Variants in PIK3C2B observed in about 807,000 individuals in gnomAD.
PIK3C2B encodes the protein phosphatidylinositol-4-phosphate 3-kinase catalytic subunit type 2 beta.
Under a neutral mutation model 184.3 loss-of-function variants are expected in PIK3C2B, and 83 were observed. That is an observed-to-expected ratio of 0.45 (90% CI 0.38 to 0.54). The LOEUF (loss-of-function observed/expected upper bound fraction) is 0.54, where lower values mean the gene tolerates loss of function less well. PIK3C2B is among the 20% of genes least tolerant of loss of function. The probability of loss-of-function intolerance (pLI) is 0.00; values close to 1 mark genes in which losing one functional copy is unlikely to be tolerated. For synonymous variants in PIK3C2B, 779 were observed against 837.6 expected (o/e 0.93, Z 1.21); for missense variants, 1,736 against 2,113.5 (o/e 0.82, Z 3.50).
chr1:204,460,458 A>C (rs965832174), intron 6 of PIK3C2B, 55 bp from the exon 7 acceptor site: 1 of 1,543,364 alleles, frequency 6.5e-7, no homozygotes, highest in Non-Finnish European at 9.0e-7. Context: ...TCAGCTCAGC[A>C]CTCCTACCCC....
intron 21 of PIK3C2B, 25 bp from the exon 22 acceptor site, chr1:204,440,346 G>T: frequency 6.4e-7 from 1 of 1,550,910 alleles, no homozygotes; most frequent in South Asian, 1.2e-5. Context: ...AAAGTGACCA[G>T]ATCTAATCTC....
At chr1:204,452,565 T>C (rs1347746088) in intron 12 of PIK3C2B, among the ~76,000 whole-genome samples, 3 of 151,318 alleles carry the variant, frequency 2.0e-5, no homozygotes, top group Non-Finnish European at 4.4e-5. Context: ...TCAAGGGCCA[T>C]TTAATGCAGC....
Position 204,443,931 on chromosome 1 carries a change from T to C in PIK3C2B, c.2867+137A>G, listed in dbSNP as rs570269887. 70 of 688,078 alleles carry C rather than the reference T, an allele frequency of 1.0e-4. 1 individual carries two copies. The highest frequency in any genetic ancestry group is 9.0e-4 in the South Asian group (54 of 59,744). 42.6% of individuals were successfully genotyped at this position (688,078 alleles called of 1,614,324 possible). On this transcript the variant is annotated intron_variant, in intron 18 of 32. Transcript: ENST00000684373. ...GCTGAGACCCCTGAGGAAAAGATGC[T>C]GGTCCAAGGCCACAGGGTAAGTCAG...
At chr1:204,451,088 G>C (rs577508226) in intron 12 of PIK3C2B, among the ~76,000 whole-genome samples, 2 of 152,358 alleles carry the variant, frequency 1.3e-5, no homozygotes, top group South Asian at 4.1e-4. Context: ...TGTCCCAGCT[G>C]CCTCTACCCT....
chr1:204,449,790 T>C (rs1572330440), intron 13 of PIK3C2B, 60 bp downstream of exon 13: 3 of 1,477,320 alleles, frequency 2.0e-6, no homozygotes, highest in Non-Finnish European at 2.7e-6. Context: ...GCCAGGCCCC[T>C]TTCTCTGTCC....
At chr1:204,430,544 C>G (rs1305972444) in intron 28 of PIK3C2B, among the ~76,000 whole-genome samples, 1 of 151,760 alleles carries the variant, frequency 6.6e-6, no homozygotes, top group Non-Finnish European at 1.5e-5. Flanking sequence ...GGGGTTTCAC[C>G]ATGTTGGCCA....
chr1:204,430,007 G>C lies in PIK3C2B; in HGVS notation c.4312C>G (p.Arg1438Gly), dbSNP rs149591225. ...CGCCGCTCGGCCACCGCCTCTCCCCGGGAGCGGCCGATCACGAAGCGACTA... is the reference window on the plus strand; with the variant it reads ...CGCCGCTCGGCCACCGCCTCTCCCCCGGAGCGGCCGATCACGAAGCGACTA... ...FPSRFVIGRSRGEAVAERRRE... is the reference protein window; with the variant it reads ...FPSRFVIGRSGGEAVAERRRE... The change falls in exon 29 of 33, where the codon CGG becomes GGG. Residue 1438 changes from arginine (R) to glycine (G), a missense_variant. Around this residue, in one of 8 missense-constraint regions of PIK3C2B, gnomAD observed 200 missense variants for 199.1 expected, o/e 1.00. Transcript: ENST00000684373. 6.2e-7 allele frequency: 1 copy of C among 1,610,770 alleles called. No individual in the cohort carries two copies. The highest frequency in any genetic ancestry group is 8.5e-7 in the Non-Finnish European group (1 of 1,179,864).
intron 5 of PIK3C2B, among the ~76,000 whole-genome samples, chr1:204,462,860 C>T (rs1655444728): frequency 2.0e-5 from 3 of 152,174 alleles, no homozygotes. Flanking sequence ...TCGAGACCAG[C>T]CTGGCCAACA....
chr1:204,430,177 C>A, intron 28 of PIK3C2B, 139 bp from the exon 29 acceptor site: 1 of 635,048 alleles, frequency 1.6e-6, no homozygotes, highest in Admixed American at 2.4e-5. Flanking sequence ...TTTCTAGGGA[C>A]CCTCACAATT....
At chr1:204,444,807 T>C (rs555378048) in intron 16 of PIK3C2B, among the ~76,000 whole-genome samples, 7 of 152,356 alleles carry the variant, frequency 4.6e-5, no homozygotes, top group African/African-American at 1.7e-4. Flanking sequence ...CTTGTTAACA[T>C]CCTTTAATGC....
Position 204,433,973 on chromosome 1 carries a change from T to TA in PIK3C2B, c.3687-25dup. On this transcript the variant is annotated intron_variant, in intron 24 of 32. Coordinates refer to ENST00000684373, the MANE Select transcript of PIK3C2B (RefSeq NM_001377334.1). The surrounding 1 kb of genome is among the most constrained non-coding windows in gnomAD (Gnocchi z 5.0). Reference sequence around the variant, plus strand: ...CCCTGAGCCAAGGGGAACATACAGGTAGAAGGTCAACATGGAGGAGGAAGC... The same window carrying TA: ...CCCTGAGCCAAGGGGAACATACAGGTAAGAAGGTCAACATGGAGGAGGAAGC... The TA allele has an allele frequency of 6.2e-7, 1 of 1,609,174 alleles. No homozygotes were observed. The highest frequency in any genetic ancestry group is 2.2e-5 in the East Asian group (1 of 44,836).
At position 204,456,873 on chromosome 1, in the gene PIK3C2B, A is replaced by AACACACACAC. The variant is rs747482741; in HGVS notation, c.1747+154_1747+163dup. Among the ~76,000 whole-genome samples, 318 of 141,588 alleles carry AACACACACAC rather than the reference A, an allele frequency of 2.2e-3. 1 individual carries two copies. Among genetic ancestry groups the AACACACACAC allele is most frequent in the Non-Finnish European group, 3.5e-3 (229 of 65,538 alleles). The allele number at this position is 141,588 out of a possible 152,430, so 92.9% of individuals were successfully genotyped here. The stretch of plus-strand genomic sequence containing the variant: ...CAGCTGTATCCACACCTCATATAGG[A>AACACACACAC]ACACACACACACACACACACACACA... On this transcript the variant is annotated intron_variant, in intron 10 of 32. Transcript: ENST00000684373.
chr1:204,431,698 C>T lies in PIK3C2B; in HGVS notation c.4251G>A (p.Arg1417=). The T allele has an allele frequency of 6.2e-7, 1 of 1,614,178 alleles. No individual in the cohort carries two copies. The highest frequency in any genetic ancestry group is 8.5e-7 in the Non-Finnish European group (1 of 1,180,038). Residue 1417 remains arginine (R), a synonymous_variant, in exon 28 of 33, where the codon CGG becomes CGA. Coordinates refer to ENST00000684373, the MANE Select transcript of PIK3C2B (RefSeq NM_001377334.1). ...EEFQELHNKL[R]LLFPSSHLPS... is the part of the protein sequence containing the mutation. Reference sequence around the variant, plus strand: ...GCAAGTGGGAAGAAGGGAAGAGCAGCCGCAACTTATTGTGTAATTCCTGGA... The same window carrying T: ...GCAAGTGGGAAGAAGGGAAGAGCAGTCGCAACTTATTGTGTAATTCCTGGA...
At chr1:204,452,935 C>G (rs1266496946) in intron 12 of PIK3C2B, among the ~76,000 whole-genome samples, 1 of 152,068 alleles carries the variant, frequency 6.6e-6, no homozygotes, top group African/African-American at 2.4e-5. Context: ...GGTGAGACTA[C>G]AGGTGTGAGC....
intron 1 of PIK3C2B, among the ~76,000 whole-genome samples, chr1:204,474,875 G>A (rs1656595271): frequency 6.6e-6 from 1 of 151,942 alleles, no homozygotes; most frequent in Non-Finnish European, 1.5e-5. Context: ...CCATTGTGGT[G>A]AATGGCACCA....
rs200999863 is a variant in PIK3C2B at position 204,469,228 on chromosome 1, A to G, written c.575T>C (p.Phe192Ser). 2 of 1,603,028 alleles carry G rather than the reference A, an allele frequency of 1.2e-6. No homozygotes were observed. Among genetic ancestry groups the G allele is most frequent in the East Asian group, 4.5e-5 (2 of 44,744 alleles). Residue 192 changes from phenylalanine (F) to serine (S), a missense_variant, in exon 2 of 33, where the codon TTC becomes TCC. By Grantham distance (155) the Phe-to-Ser change is radical. Around this residue, in one of 8 missense-constraint regions of PIK3C2B, gnomAD observed 404 missense variants for 418.0 expected, o/e 0.97. Transcript: ENST00000684373. The part of the protein sequence containing the change: ...KISQPSDINT[F>S]SLVEQLPGKL... The stretch of plus-strand genomic sequence containing the variant: ...GCCCGGCAATTGTTCGACCAAAGAG[A>G]AAGTGTTGATGTCACTGGGCTGGGA...
intron 23 of PIK3C2B, among the ~76,000 whole-genome samples, chr1:204,438,374 ATCT>A (rs1282870908): frequency 2.0e-5 from 3 of 152,056 alleles, no homozygotes; most frequent in Non-Finnish European, 2.9e-5. Flanking sequence ...TTCTAATCTA[ATCT>A]TCTTTCATCA....
Position 204,447,523 on chromosome 1 carries a change from T to A in PIK3C2B, c.2402A>T (p.Lys801Met). Reference protein sequence around the residue: ...DIKFTSPPGDKFSPRYEFGSL... With the variant: ...DIKFTSPPGDMFSPRYEFGSL... ...GCCAAACTCATAGCGGGGGCTGAAC[T>A]TGTCTCCAGGGGGGCTGGTGAACTT... The change falls in exon 15 of 33, where the codon AAG becomes ATG. Residue 801 changes from lysine (K) to methionine (M), a missense_variant. By Grantham distance (95) the Lys-to-Met change is moderately conservative. Around this residue, in one of 8 missense-constraint regions of PIK3C2B, gnomAD observed 609 missense variants for 699.2 expected, o/e 0.87. Transcript: ENST00000684373. The surrounding 1 kb of genome is among the most constrained non-coding windows in gnomAD (Gnocchi z 4.1). The A allele has an allele frequency of 6.2e-7, 1 of 1,609,640 alleles. No individual in the cohort carries two copies. The highest frequency in any genetic ancestry group is 2.2e-5 in the East Asian group (1 of 44,618).
At position 204,422,774 on chromosome 1, in the gene PIK3C2B, CAA is replaced by C. The variant is rs1224838235; in HGVS notation, c.*2076_*2077del. On this transcript the variant is annotated 3_prime_UTR_variant, in exon 33 of 33. Transcript: ENST00000684373. ...GTCATAATAAAATGAGCTACAGGCACAAAGCCAGTAACACATTTATGGTCCGT... is the reference window on the plus strand; with the variant it reads ...GTCATAATAAAATGAGCTACAGGCACAGCCAGTAACACATTTATGGTCCGT... 2 of 152,544 alleles carry C rather than the reference CAA, an allele frequency of 1.3e-5. No individual in the cohort carries two copies. Among genetic ancestry groups the C allele is most frequent in the African/African-American group, 4.8e-5 (2 of 41,400 alleles). 9.4% of individuals were successfully genotyped at this position (152,544 alleles called of 1,614,324 possible). A position where few individuals can be genotyped will look rare whatever the true frequency, so the allele number is the denominator to read the frequency against.
Sources: gnomAD v4.1 joint callset for allele counts (sites outside exome capture counted in the v4.1 genomes callset) on GRCh38, gnomAD v4.1.1 for gene constraint, gnomAD v4.1.1 regional missense constraint, Gnocchi (gnomAD v3.1) non-coding constraint, MANE v1.5 for transcripts, NCBI Gene and HGNC (gene_info 2026-07-23, HGNC 2026-07-21) for gene names.